Variants in KLHL29 observed in about 807,000 individuals in gnomAD.
The protein encoded by KLHL29 is kelch like family member 29.
A neutral mutation model predicts 80.4 loss-of-function variants in KLHL29; 21 were observed. The ratio of observed to expected loss-of-function variants is 0.26; its 90% CI spans 0.19 to 0.38. The LOEUF is 0.38. KLHL29 is among the 10% of genes least tolerant of loss of function. KLHL29 has a pLI of 1.00. For synonymous variants in KLHL29, 511 were observed against 526.8 expected (o/e 0.97, Z 0.41); for missense variants, 867 against 1,223.9 (o/e 0.71, Z 4.35).
chr2:23,473,147 C>T (rs140937142), intron 1 of KLHL29, among the ~76,000 whole-genome samples: 1,593 of 152,272 alleles, frequency 0.01, 13 homozygotes, highest in Non-Finnish European at 0.018. Flanking sequence ...GTGAGGGACA[C>T]CCTGCTCATG....
At chr2:23,597,309 A>ATGTGTGTGTGTGTGTGTGTGTGTG (rs1217422868) in intron 3 of KLHL29, among the ~76,000 whole-genome samples, 3 of 100,518 alleles carry the variant, frequency 3.0e-5, no homozygotes, top group African/African-American at 1.2e-4. Flanking sequence ...ATATATATAT[A>ATGTGTGTGTGTGTGTGTGTGTGTG]TGTGTGTGTG....
At chr2:23,491,748 C>T (rs1665109201) in intron 2 of KLHL29, among the ~76,000 whole-genome samples, 1 of 152,140 alleles carries the variant, frequency 6.6e-6, no homozygotes, top group Non-Finnish European at 1.5e-5. Flanking sequence ...TGTCCACTGC[C>T]CCTCCCTCCA....
intron 3 of KLHL29, among the ~76,000 whole-genome samples, chr2:23,577,308 G>A (rs569815776): frequency 1.4e-3 from 218 of 152,112 alleles, no homozygotes; most frequent in Middle Eastern, 3.4e-3. Flanking sequence ...CGAAATAGCC[G>A]GGCATGGTGG....
chr2:23,693,400 A>G lies in KLHL29; in HGVS notation c.1414A>G (p.Ile472Val). 1 of 1,551,676 alleles carries G rather than the reference A, an allele frequency of 6.4e-7. No individual in the cohort carries two copies. Among genetic ancestry groups the G allele is most frequent in the Non-Finnish European group, 8.7e-7 (1 of 1,146,954 alleles). The change falls in exon 8 of 14, where the codon ATC (isoleucine) becomes GTC (valine). Residue 472 changes from isoleucine (I) to valine (V), a missense_variant. Coordinates refer to ENST00000486442, the MANE Select transcript of KLHL29 (RefSeq NM_052920.2). ...CCCCGAGGTGGCCGCCCAGGAGGAG[A>G]TCCTCAGCATCTCCAAGGACGACTT... ...IFPEVAAQEEILSISKDDFIA... is the reference protein window; with the variant it reads ...IFPEVAAQEEVLSISKDDFIA...
intron 2 of KLHL29, among the ~76,000 whole-genome samples, chr2:23,547,070 G>C (rs914554941): frequency 6.6e-6 from 1 of 152,192 alleles, no homozygotes; most frequent in African/African-American, 2.4e-5. Context: ...AGCTCCCGCA[G>C]AGAACCCACC....
intron 1 of KLHL29, among the ~76,000 whole-genome samples, chr2:23,419,634 T>A (rs764935015): frequency 3.9e-5 from 6 of 152,314 alleles, no homozygotes; most frequent in Middle Eastern, 3.4e-3. Flanking sequence ...AATTGCCCTT[T>A]CCCTGAAAAA....
At chr2:23,480,497 AAC>A (rs1250246698) in intron 2 of KLHL29, among the ~76,000 whole-genome samples, 2 of 37,716 alleles carry the variant, frequency 5.3e-5, no homozygotes, top group African/African-American at 7.0e-4. Flanking sequence ...CTCAAAAAAA[AAC>A]AAAAAAAAAC....
intron 1 of KLHL29, among the ~76,000 whole-genome samples, chr2:23,403,576 T>C (rs1647086673): frequency 6.6e-6 from 1 of 152,206 alleles, no homozygotes; most frequent in South Asian, 2.1e-4. Context: ...TGGTCACATG[T>C]ACCTGTAAAT....
chr2:23,557,808 G>T (rs1170474770), intron 2 of KLHL29, among the ~76,000 whole-genome samples: 2 of 152,176 alleles, frequency 1.3e-5, no homozygotes, highest in Non-Finnish European at 2.9e-5. Context: ...GATATGTGAG[G>T]TTGTGTTGTT....
chr2:23,472,874 C>G lies in KLHL29; in HGVS notation c.-153-2686C>G, dbSNP rs535369794. On this transcript the variant is annotated intron_variant, in intron 1 of 13. Coordinates refer to ENST00000486442, the MANE Select transcript of KLHL29 (RefSeq NM_052920.2). Reference sequence around the variant, plus strand: ...TGATTCCAGGGTCTTGCTTTTAACCCTCTCTGTGAATGTATCTATCGGGGT... The same window carrying G: ...TGATTCCAGGGTCTTGCTTTTAACCGTCTCTGTGAATGTATCTATCGGGGT... 2.6e-5 allele frequency among the ~76,000 whole-genome samples: 4 copies of G among 152,276 alleles called. No homozygotes were observed. The South Asian group carries it at 8.3e-4, about 32-fold the overall frequency.
rs1031323741 is a variant in KLHL29, at chr2:23,665,634, A to G, written c.941-18765A>G. On this transcript the variant is annotated intron_variant, in intron 5 of 13. Transcript: ENST00000486442. The stretch of plus-strand genomic sequence containing the variant: ...CAGGCTGTACGGGAAGCATGGCACC[A>G]GCATCTGCTTCTTTGGAGGCCTCAG... Among the ~76,000 whole-genome samples, 41 of 152,336 alleles carry G rather than the reference A, an allele frequency of 2.7e-4. 1 individual carries two copies. The highest frequency in any genetic ancestry group is 8.9e-4 in the African/African-American group (37 of 41,568).
chr2:23,692,490 G>T (rs985881157), intron 7 of KLHL29, among the ~76,000 whole-genome samples: 21 of 152,262 alleles, frequency 1.4e-4, no homozygotes, highest in African/African-American at 5.1e-4. Flanking sequence ...CAGTGGCCTG[G>T]GGTGTGGAGT....
At chr2:23,678,665 G>A (rs962030167) in intron 5 of KLHL29, among the ~76,000 whole-genome samples, 9 of 152,164 alleles carry the variant, frequency 5.9e-5, no homozygotes, top group African/African-American at 1.4e-4. Context: ...CAACCCAAGC[G>A]TCCATCAAAG....
At chr2:23,522,567 A>T (rs948917362) in intron 2 of KLHL29, among the ~76,000 whole-genome samples, 1 of 152,114 alleles carries the variant, frequency 6.6e-6, no homozygotes, top group African/African-American at 2.4e-5. Flanking sequence ...CTGATCAGAA[A>T]AAAAAAAAAG....
rs564952108 is a variant in KLHL29 at position 23,577,932 on chromosome 2, G to A, written c.285+15451G>A. ...CTGTCTCTGTTCGGAATGCCCTTGA[G>A]ATCTGACCCTGTGCCATCGAGGGAC... On this transcript the variant is annotated intron_variant, in intron 3 of 13. Coordinates refer to ENST00000486442, the MANE Select transcript of KLHL29 (RefSeq NM_052920.2). Among the ~76,000 whole-genome samples the A allele has an allele frequency of 3.9e-5, 6 of 152,254 alleles. No homozygotes were observed. The South Asian group carries it at 1.2e-3, about 32-fold the overall frequency.
rs548621275 is a variant in KLHL29, at chr2:23,410,066, G to A, written c.-154+24286G>A. The stretch of plus-strand genomic sequence containing the variant: ...AACCAGAGGGGAGCATGGCACAGGC[G>A]GAGAGTGGAGAATTAGGAGGGAGAG... On this transcript the variant is annotated intron_variant, in intron 1 of 13. Coordinates refer to ENST00000486442, the MANE Select transcript of KLHL29 (RefSeq NM_052920.2). 5.9e-5 allele frequency among the ~76,000 whole-genome samples: 9 copies of A among 152,292 alleles called. No homozygotes were observed. In the South Asian group the frequency reaches 8.3e-4, roughly 14 times the overall value.
chr2:23,599,999 A>G (rs1668529145), intron 3 of KLHL29, among the ~76,000 whole-genome samples: 1 of 152,110 alleles, frequency 6.6e-6, no homozygotes, highest in Middle Eastern at 3.2e-3. Context: ...CACGTGCAGG[A>G]GATACGCCAC....
chr2:23,679,446 A>T (rs1366005306), intron 5 of KLHL29, among the ~76,000 whole-genome samples: 7 of 152,322 alleles, frequency 4.6e-5, no homozygotes, highest in African/African-American at 1.7e-4. Context: ...AGTGAAAGTG[A>T]GCAAAGCTTC....
chr2:23,580,328 C>T (rs570894025), intron 3 of KLHL29, among the ~76,000 whole-genome samples: 323 of 150,590 alleles, frequency 2.1e-3, no homozygotes, highest in Non-Finnish European at 3.5e-3. Context: ...GCCGAGATCA[C>T]GCCACTGCAC....
Sources: gnomAD v4.1 joint callset for allele counts (sites outside exome capture counted in the v4.1 genomes callset) on GRCh38, gnomAD v4.1.1 for gene constraint, MANE v1.5 for transcripts, NCBI Gene and HGNC (gene_info 2026-07-23, HGNC 2026-07-21) for gene names.